Variants in NCOA1 observed in about 807,000 individuals in gnomAD.
NCOA1 encodes the protein nuclear receptor coactivator 1.
Under a neutral mutation model 150.9 loss-of-function variants are expected in NCOA1, and 35 were observed. The observed-to-expected ratio is 0.23, with a 90% confidence interval of 0.18 to 0.31. The LOEUF is 0.31. Among genes scored for constraint, NCOA1 ranks in the 10% least tolerant of loss-of-function variants. The probability of loss-of-function intolerance (pLI) is 1.00; values close to 1 mark genes in which losing one functional copy is unlikely to be tolerated. For missense variants in NCOA1, 1,491 were observed against 1,749.3 expected (o/e 0.85, Z 2.63); for synonymous variants, 590 against 630.0 (o/e 0.94, Z 0.95).
intron 3 of NCOA1, among the ~76,000 whole-genome samples, chr2:24,641,303 T>C (rs1206081234): frequency 6.6e-6 from 1 of 151,248 alleles, no homozygotes; most frequent in Non-Finnish European, 1.5e-5. Context: ...CACAATATTT[T>C]ATATATTTTA....
At chr2:24,520,399 G>A (rs541466818) in intron 1 of NCOA1, among the ~76,000 whole-genome samples, 2 of 152,234 alleles carry the variant, frequency 1.3e-5, no homozygotes, top group South Asian at 2.1e-4. Flanking sequence ...CCATTAAATG[G>A]AATAGTACTC....
chr2:24,638,788 A>T (rs1241092493), intron 3 of NCOA1, among the ~76,000 whole-genome samples: 1 of 152,090 alleles, frequency 6.6e-6, no homozygotes, highest in Non-Finnish European at 1.5e-5. Flanking sequence ...ACTTTTGGTC[A>T]TTTGTATGTC....
chr2:24,635,082 T>C (rs1669881721), intron 3 of NCOA1, among the ~76,000 whole-genome samples: 1 of 152,102 alleles, frequency 6.6e-6, no homozygotes, highest in Admixed American at 6.5e-5. Context: ...AACCATGTAA[T>C]AATTACTAAA....
At position 24,706,876 on chromosome 2, in the gene NCOA1, T is replaced by C; in HGVS notation, c.1406T>C (p.Leu469Ser). ...QASSQSSNPS[L>S]NLNNSPMEGT... Reference sequence around the variant, plus strand: ...AGTTCACAGAGCAGTAATCCCTCTTTAAACCTCAATAATTCTCCTATGGAA... The same window carrying C: ...AGTTCACAGAGCAGTAATCCCTCTTCAAACCTCAATAATTCTCCTATGGAA... The change falls in exon 13 of 23, where the codon TTA becomes TCA. Residue 469 changes from leucine to serine, a missense_variant. Physicochemically the swap from Leu to Ser is moderately radical, Grantham distance 145. Around this residue, in one of 8 missense-constraint regions of NCOA1, gnomAD observed 703 missense variants for 717.7 expected, o/e 0.98. Transcript: ENST00000348332. 4 of 1,614,172 alleles carry C rather than the reference T, an allele frequency of 2.5e-6. No individual in the cohort carries two copies. Among genetic ancestry groups the C allele is most frequent in the Non-Finnish European group, 3.4e-6 (4 of 1,180,028 alleles).
intron 3 of NCOA1, among the ~76,000 whole-genome samples, chr2:24,627,184 A>G (rs144053445): frequency 8.4e-6 from 1 of 119,292 alleles, no homozygotes; most frequent in African/African-American, 3.3e-5. Flanking sequence ...CTCACCCCCT[A>G]CCCCCACTAC....
At chr2:24,579,777 TC>T (rs372400062) in intron 2 of NCOA1, among the ~76,000 whole-genome samples, 1 of 152,296 alleles carries the variant, frequency 6.6e-6, no homozygotes, top group Non-Finnish European at 1.5e-5. Flanking sequence ...AACAACTGCA[TC>T]CTAGCAGTAA....
intron 1 of NCOA1, among the ~76,000 whole-genome samples, chr2:24,499,928 A>G (rs1306226480): frequency 1.3e-5 from 2 of 152,226 alleles, no homozygotes; most frequent in African/African-American, 4.8e-5. Flanking sequence ...ACTGGTAGTA[A>G]TTCAGAGATG....
chr2:24,593,232 C>G (rs1667733122), intron 3 of NCOA1, among the ~76,000 whole-genome samples: 1 of 152,038 alleles, frequency 6.6e-6, no homozygotes, highest in African/African-American at 2.4e-5. Flanking sequence ...GAAAGGAAAC[C>G]TATATTTATT....
chr2:24,529,782 AT>A, intron 1 of NCOA1, among the ~76,000 whole-genome samples: 1 of 152,106 alleles, frequency 6.6e-6, no homozygotes, highest in East Asian at 1.9e-4. Flanking sequence ...TTATCTACCT[AT>A]TTTTTTCTTG....
chr2:24,586,933 T>A (rs1258724705), intron 3 of NCOA1, among the ~76,000 whole-genome samples: 3 of 152,104 alleles, frequency 2.0e-5, no homozygotes, highest in Non-Finnish European at 1.5e-5. Flanking sequence ...CCCACTGTTT[T>A]GCCCCAGAGA....
intron 14 of NCOA1, among the ~76,000 whole-genome samples, chr2:24,722,259 T>C (rs1015839609): frequency 6.6e-6 from 1 of 152,214 alleles, no homozygotes; most frequent in Admixed American, 6.5e-5. Flanking sequence ...AGTAATTTTG[T>C]TAGAAATGTT....
intron 1 of NCOA1, among the ~76,000 whole-genome samples, chr2:24,563,338 G>A (rs947084651): frequency 7.2e-5 from 11 of 152,282 alleles, no homozygotes; most frequent in African/African-American, 2.6e-4. Flanking sequence ...AGTGATAGGC[G>A]TAGGAGTCAC....
At chr2:24,724,055 A>G (rs1223324892) in intron 14 of NCOA1, among the ~76,000 whole-genome samples, 1 of 151,710 alleles carries the variant, frequency 6.6e-6, no homozygotes, top group Non-Finnish European at 1.5e-5. Context: ...TTATTTCTTA[A>G]TATAAGGGGG....
At chr2:24,617,808 C>CA (rs1397542228) in intron 3 of NCOA1, among the ~76,000 whole-genome samples, 4 of 151,702 alleles carry the variant, frequency 2.6e-5, no homozygotes, top group African/African-American at 7.3e-5. Context: ...TATTTAATAC[C>CA]AAAAAACAAA....
chr2:24,495,370 T>C (rs72803258), intron 1 of NCOA1, among the ~76,000 whole-genome samples: 7,917 of 152,166 alleles, frequency 0.052, 290 homozygotes, highest in East Asian at 0.2. Context: ...AAGCTTAGTA[T>C]GGTTATCATA....
At chr2:24,576,152 TTTTTTTTTTTG>T (rs1558806424) in intron 2 of NCOA1, among the ~76,000 whole-genome samples, 318 of 95,864 alleles carry the variant, frequency 3.3e-3, no homozygotes, top group Non-Finnish European at 4.0e-3. Context: ...GGCCTTTGTT[TTTTTTTTTTTG>T]TTTTTTGTTT....
At chr2:24,534,823 G>A (rs1487929988) in intron 1 of NCOA1, among the ~76,000 whole-genome samples, 4 of 152,024 alleles carry the variant, frequency 2.6e-5, no homozygotes, top group African/African-American at 9.7e-5. Flanking sequence ...ACAGTTTGTT[G>A]TGATTTCTGT....
intron 1 of NCOA1, among the ~76,000 whole-genome samples, chr2:24,549,845 C>T (rs1222867514): frequency 6.6e-6 from 1 of 152,218 alleles, no homozygotes. Context: ...GCTGGGATTA[C>T]AGGCATGAGC....
At chr2:24,551,381 G>C (rs1665823062) in intron 1 of NCOA1, among the ~76,000 whole-genome samples, 1 of 151,912 alleles carries the variant, frequency 6.6e-6, no homozygotes, top group Non-Finnish European at 1.5e-5. Flanking sequence ...TGTTTGTTTT[G>C]CAAATATTTT....
Sources: allele counts gnomAD v4.1 joint callset (sites outside exome capture counted in the v4.1 genomes callset), GRCh38; gene constraint gnomAD v4.1.1; regional missense constraint gnomAD v4.1.1; transcripts MANE v1.5; gene names NCBI Gene and HGNC (gene_info 2026-07-23, HGNC 2026-07-21).